The following CNTNAP2 variants were observed in gnomAD, a reference collection of about 807,000 sequenced individuals.
CNTNAP2 encodes the protein contactin-associated protein-like 2.
A neutral mutation model predicts 155.2 loss-of-function variants in CNTNAP2; 98 were observed. That is an observed-to-expected ratio of 0.63 (90% CI 0.54 to 0.75). The LOEUF (loss-of-function observed/expected upper bound fraction) is 0.75. CNTNAP2 is among the 30% of genes least tolerant of loss of function. The pLI is 0.00. For missense variants in CNTNAP2, 1,727 were observed against 1,688.1 expected (o/e 1.02, Z -0.40); for synonymous variants, 651 against 631.2 (o/e 1.03, Z -0.47).
intron 13 of CNTNAP2, among the ~76,000 whole-genome samples, chr7:147,872,261 A>G (rs1431972707): frequency 6.6e-6 from 1 of 152,210 alleles, no homozygotes; most frequent in Non-Finnish European, 1.5e-5. Flanking sequence ...ATCAGATCCA[A>G]CTTTGTAATT....
chr7:148,248,722 T>G (rs1386392184), intron 20 of CNTNAP2, among the ~76,000 whole-genome samples: 1 of 152,204 alleles, frequency 6.6e-6, no homozygotes, highest in African/African-American at 2.4e-5. Context: ...TGCATACACA[T>G]GTATAGAGCA....
intron 2 of CNTNAP2, among the ~76,000 whole-genome samples, chr7:146,790,070 A>T (rs1363191022): frequency 6.6e-6 from 1 of 152,024 alleles, no homozygotes; most frequent in African/African-American, 2.4e-5. Flanking sequence ...TAGTAGAATG[A>T]CCATACTTCC....
At chr7:147,027,576 C>T (rs1798947148) in intron 3 of CNTNAP2, among the ~76,000 whole-genome samples, 1 of 152,200 alleles carries the variant, frequency 6.6e-6, no homozygotes, top group African/African-American at 2.4e-5. Flanking sequence ...CAACCTGCAT[C>T]TATGTTTTAG....
chr7:146,850,066 C>T (rs1004182646), intron 3 of CNTNAP2, among the ~76,000 whole-genome samples: 1 of 152,074 alleles, frequency 6.6e-6, no homozygotes, highest in African/African-American at 2.4e-5. Flanking sequence ...AATGTCTTGG[C>T]AAATAAATTT....
intron 8 of CNTNAP2, among the ~76,000 whole-genome samples, chr7:147,207,331 T>C (rs893642627): frequency 6.6e-6 from 1 of 152,208 alleles, no homozygotes; most frequent in Non-Finnish European, 1.5e-5. Context: ...CATTGGAGTA[T>C]TCATTTGATG....
At chr7:146,613,883 G>A (rs1198219089) in intron 1 of CNTNAP2, among the ~76,000 whole-genome samples, 2 of 152,026 alleles carry the variant, frequency 1.3e-5, no homozygotes, top group African/African-American at 2.4e-5. Flanking sequence ...TCTAAACTAC[G>A]TGTTCCAAGA....
intron 8 of CNTNAP2, among the ~76,000 whole-genome samples, chr7:147,287,411 G>C (rs935665859): frequency 6.6e-6 from 1 of 152,052 alleles, no homozygotes; most frequent in African/African-American, 2.4e-5. Flanking sequence ...TTGCTAAGCT[G>C]AATTGTATAA....
chr7:148,123,194 A>G (rs530753732), intron 16 of CNTNAP2, among the ~76,000 whole-genome samples: 13 of 152,194 alleles, frequency 8.5e-5, no homozygotes, highest in Non-Finnish European at 1.8e-4. Flanking sequence ...GGATCAGGAA[A>G]TAAGCATTCA....
At chr7:147,824,636 G>A (rs1798417282) in intron 13 of CNTNAP2, among the ~76,000 whole-genome samples, 1 of 151,994 alleles carries the variant, frequency 6.6e-6, no homozygotes, top group Admixed American at 6.6e-5. Context: ...ACTTCAGTTT[G>A]GTCCTCCCTG....
chr7:146,888,284 T>C (rs1247185045), intron 3 of CNTNAP2, among the ~76,000 whole-genome samples: 1 of 152,054 alleles, frequency 6.6e-6, no homozygotes, highest in African/African-American at 2.4e-5. Flanking sequence ...GTGTGGAAAT[T>C]TTCTCAATTT....
At chr7:148,063,061 A>G (rs1229682852) in intron 15 of CNTNAP2, among the ~76,000 whole-genome samples, 1 of 152,158 alleles carries the variant, frequency 6.6e-6, no homozygotes, top group Non-Finnish European at 1.5e-5. Context: ...AATTCCATCT[A>G]TAGTATATAT....
rs146529726 is a variant in CNTNAP2, at chr7:147,260,816, T to C, written c.1349-39325T>C. Reference sequence around the variant, plus strand: ...GCTCTTTATGGACGCGGAAATTCAATGATAGTGATTCTCAAAATGTGGTTC... The same window carrying C: ...GCTCTTTATGGACGCGGAAATTCAACGATAGTGATTCTCAAAATGTGGTTC... On this transcript the variant is annotated intron_variant, in intron 8 of 23. Transcript: ENST00000361727. Among the ~76,000 whole-genome samples, 54 of 152,348 alleles carry C rather than the reference T, an allele frequency of 3.5e-4. No homozygotes were observed. The East Asian group carries it at 9.6e-3, about 27-fold the overall frequency.
intron 1 of CNTNAP2, among the ~76,000 whole-genome samples, chr7:146,772,287 G>A (rs1585082956): frequency 6.6e-6 from 1 of 152,070 alleles, no homozygotes; most frequent in Non-Finnish European, 1.5e-5. Context: ...AGGTCACATT[G>A]AGCAGAGACC....
At chr7:146,794,187 T>C (rs1226363192) in intron 2 of CNTNAP2, among the ~76,000 whole-genome samples, 2 of 152,232 alleles carry the variant, frequency 1.3e-5, no homozygotes, top group Non-Finnish European at 2.9e-5. Flanking sequence ...CTTAGCAATA[T>C]GGACCTGGAT....
intron 20 of CNTNAP2, among the ~76,000 whole-genome samples, chr7:148,236,670 T>C (rs1796046003): frequency 6.6e-6 from 1 of 152,206 alleles, no homozygotes; most frequent in Admixed American, 6.5e-5. Flanking sequence ...AAGAAATACC[T>C]GAGACTGAGT....
At chr7:147,651,704 C>A (rs546284653) in intron 13 of CNTNAP2, among the ~76,000 whole-genome samples, 1 of 152,280 alleles carries the variant, frequency 6.6e-6, no homozygotes, top group East Asian at 1.9e-4. Flanking sequence ...TTGAGAGAAT[C>A]AAGTAGATCA....
chr7:148,240,322 T>C (rs1796122853), intron 20 of CNTNAP2, among the ~76,000 whole-genome samples: 1 of 152,158 alleles, frequency 6.6e-6, no homozygotes, highest in Non-Finnish European at 1.5e-5. Flanking sequence ...AGGCATTTTG[T>C]CAGATAATAG....
chr7:147,166,999 T>G (rs1252227242), intron 8 of CNTNAP2, among the ~76,000 whole-genome samples: 4 of 152,174 alleles, frequency 2.6e-5, no homozygotes, highest in African/African-American at 9.7e-5. Flanking sequence ...TTGTTATATC[T>G]AGAATTACCC....
chr7:146,960,386 T>A (rs535510860), intron 3 of CNTNAP2, among the ~76,000 whole-genome samples: 33 of 152,346 alleles, frequency 2.2e-4, no homozygotes, highest in African/African-American at 7.9e-4. Flanking sequence ...AGTTAGGAAT[T>A]GGACAATCGT....
Sources: allele counts gnomAD v4.1 joint callset (sites outside exome capture counted in the v4.1 genomes callset), GRCh38; gene constraint gnomAD v4.1.1; transcripts MANE v1.5; gene names NCBI Gene and HGNC (gene_info 2026-07-23, HGNC 2026-07-21).